METAP1D: variants seen among roughly 807,000 people sequenced by gnomAD.
METAP1D encodes the protein methionine aminopeptidase 1D, mitochondrial.
Under a neutral mutation model 40.5 loss-of-function variants are expected in METAP1D, and 31 were observed. That is an observed-to-expected ratio of 0.77 (90% confidence interval 0.58 to 1.03). The LOEUF (loss-of-function observed/expected upper bound fraction) is 1.03, where lower values mean the gene tolerates loss of function less well. METAP1D is among the 50% of genes least tolerant of loss of function. METAP1D has a pLI of 0.00. For missense variants in METAP1D, 411 were observed against 420.7 expected, an observed-to-expected ratio of 0.98 and a Z score of 0.20; for synonymous variants, 151 against 146.4, an observed-to-expected ratio of 1.03 and a Z score of -0.22.
chr2:172,064,288 A>C (rs1447241640), intron 3 of METAP1D: 3 of 157,446 alleles, frequency 1.9e-5, no homozygotes, highest in Non-Finnish European at 4.2e-5. Flanking sequence ...GCAAAGAAAG[A>C]TCAGATCACA....
intron 3 of METAP1D, 121 bp from the exon 4 acceptor site, chr2:172,065,483 A>G (rs1257901120): frequency 1.3e-5 from 13 of 989,910 alleles, no homozygotes; most frequent in East Asian, 2.4e-5. Flanking sequence ...ATGTTGTACC[A>G]TAACTTTATC....
intron 1 of METAP1D, among the ~76,000 whole-genome samples, chr2:172,055,467 A>C (rs189210158): frequency 6.6e-6 from 1 of 151,658 alleles, no homozygotes; most frequent in Non-Finnish European, 1.5e-5. Context: ...CTCACTCTGC[A>C]TTTAGAAAAT....
chr2:172,079,191 C>A (rs1690634598), intron 7 of METAP1D, 24 bp from the exon 8 acceptor site: 2 of 1,611,906 alleles, frequency 1.2e-6, no homozygotes, highest in African/African-American at 2.7e-5. Flanking sequence ...CCTATTCTCA[C>A]CCCCCATGTT....
chr2:172,003,857 C>T lies in METAP1D; in HGVS notation c.40+3848C>T, dbSNP rs185023622. Among the ~76,000 whole-genome samples, 68 of 152,018 alleles carry T rather than the reference C, an allele frequency of 4.5e-4. 1 individual carries two copies. The East Asian group carries it at 9.5e-3, about 21-fold the overall frequency. ...TTGGCTCACTGCAACCTCTGCCTCC[C>T]GGGTTGAAGTGATTCTCCTGCCTCA... On this transcript the variant is annotated intron_variant, in intron 1 of 9. Coordinates refer to ENST00000315796, the MANE Select transcript of METAP1D (RefSeq NM_199227.3).
At chr2:172,060,196 G>A (rs1690106527) in intron 1 of METAP1D, among the ~76,000 whole-genome samples, 3 of 152,048 alleles carry the variant, frequency 2.0e-5, no homozygotes, top group South Asian at 2.1e-4. Flanking sequence ...TGGGAGGATC[G>A]CTTGAGCCCA....
At chr2:172,011,324 G>A (rs554047012) in intron 1 of METAP1D, among the ~76,000 whole-genome samples, 1 of 141,014 alleles carries the variant, frequency 7.1e-6, no homozygotes, top group South Asian at 2.2e-4. Context: ...TCACTCTGTC[G>A]CCCAGGCTGG....
At chr2:172,018,859 C>G (rs1035168074) in intron 1 of METAP1D, among the ~76,000 whole-genome samples, 4 of 151,974 alleles carry the variant, frequency 2.6e-5, no homozygotes, top group Non-Finnish European at 4.4e-5. Flanking sequence ...TTTCCAGGAT[C>G]CAATTCGGTA....
chr2:172,032,663 C>T (rs772853941), intron 1 of METAP1D, among the ~76,000 whole-genome samples: 1 of 152,150 alleles, frequency 6.6e-6, no homozygotes, highest in African/African-American at 2.4e-5. Context: ...GCAAACCCCT[C>T]GTGAAATAAT....
chr2:172,018,120 CTGTCTCA>C (rs1688920878), intron 1 of METAP1D, among the ~76,000 whole-genome samples: 1 of 88,650 alleles, frequency 1.1e-5, no homozygotes, highest in South Asian at 4.9e-4. Context: ...GAGTGAGACT[CTGTCTCA>C]AAAAAAAAAA....
chr2:172,073,383 T>TA (rs909260494), intron 6 of METAP1D, among the ~76,000 whole-genome samples: 37 of 146,778 alleles, frequency 2.5e-4, no homozygotes, highest in East Asian at 1.2e-3. Flanking sequence ...CTAGCTACAT[T>TA]AAAAAAAAAA....
chr2:172,004,942 C>A, intron 1 of METAP1D, among the ~76,000 whole-genome samples: 1 of 140,656 alleles, frequency 7.1e-6, no homozygotes, highest in East Asian at 2.1e-4. Context: ...TTTTTTTTTT[C>A]TTTTTTCAGG....
intron 1 of METAP1D, among the ~76,000 whole-genome samples, chr2:172,000,583 G>T (rs1688437268): frequency 6.6e-6 from 1 of 152,176 alleles, no homozygotes; most frequent in South Asian, 2.1e-4. Context: ...ATCTTTGTTG[G>T]ATTTGAACTA....
chr2:172,016,653 A>T, intron 1 of METAP1D, among the ~76,000 whole-genome samples: 1 of 151,864 alleles, frequency 6.6e-6, no homozygotes, highest in Non-Finnish European at 1.5e-5. Flanking sequence ...AGAAAGAAAA[A>T]TATGAAAATA....
chr2:172,079,283 G>C (rs201116920), intron 8 of METAP1D, 21 bp downstream of exon 8: 1 of 1,613,350 alleles, frequency 6.2e-7, no homozygotes, highest in East Asian at 2.2e-5. Flanking sequence ...CTCCTCTTCC[G>C]AGTGAGTGCG....
chr2:172,071,139 A>G lies in METAP1D; in HGVS notation c.704+69A>G, dbSNP rs902565268. The G allele has an allele frequency of 4.5e-6, 6 of 1,336,040 alleles. No individual in the cohort carries two copies. In the African/African-American group the frequency reaches 7.5e-5, roughly 17 times the overall value. 82.8% of individuals were successfully genotyped at this position (1,336,040 alleles called of 1,614,324 possible). On this transcript the variant is annotated intron_variant, in intron 6 of 9. Transcript: ENST00000315796. ...ACAAAGGTTATTGGTGGCTTGGTATAAAGTTGATGACATGTTTTATGATTC... is the reference window on the plus strand; with the variant it reads ...ACAAAGGTTATTGGTGGCTTGGTATGAAGTTGATGACATGTTTTATGATTC...
intron 1 of METAP1D, among the ~76,000 whole-genome samples, chr2:172,013,332 C>T (rs1311051066): frequency 2.0e-5 from 3 of 152,178 alleles, no homozygotes; most frequent in South Asian, 2.1e-4. Context: ...CCAGCATCTA[C>T]GCATCTGCCC....
chr2:172,025,019 A>G (rs1193665197), intron 1 of METAP1D, among the ~76,000 whole-genome samples: 1 of 152,150 alleles, frequency 6.6e-6, no homozygotes, highest in South Asian at 2.1e-4. Flanking sequence ...CTCATTTGGA[A>G]AGTGAGAATA....
intron 1 of METAP1D, among the ~76,000 whole-genome samples, chr2:172,001,173 T>C (rs899714397): frequency 4.6e-5 from 7 of 152,116 alleles, no homozygotes; most frequent in Non-Finnish European, 1.0e-4. Flanking sequence ...TTCTCGGTAC[T>C]GCATGACGTG....
chr2:172,001,045 C>G (rs1336119874), intron 1 of METAP1D, among the ~76,000 whole-genome samples: 1 of 152,118 alleles, frequency 6.6e-6, no homozygotes, highest in Non-Finnish European at 1.5e-5. Flanking sequence ...ATTATTTTCT[C>G]TTTGCAGAAG....
Sources: gnomAD v4.1 joint callset for allele counts (sites outside exome capture counted in the v4.1 genomes callset) on GRCh38, gnomAD v4.1.1 for gene constraint, MANE v1.5 for transcripts, NCBI Gene and HGNC (gene_info 2026-07-23, HGNC 2026-07-21) for gene names.